CLYBL: variants seen among roughly 807,000 people sequenced by gnomAD.
CLYBL encodes citramalyl-CoA lyase, also known as citramalyl-CoA lyase, mitochondrial.
In CLYBL, 31 loss-of-function variants were observed where a neutral mutation model predicts 38.9. That is an observed-to-expected ratio of 0.80 (90% CI 0.60 to 1.08). CLYBL has a LOEUF of 1.08. Among genes scored for constraint, CLYBL ranks in the 50% least tolerant of loss-of-function variants. The pLI is 0.00. For synonymous variants in CLYBL, 171 were observed against 158.6 expected (o/e 1.08, Z -0.59); for missense variants, 434 against 411.6 (o/e 1.05, Z -0.47).
intron 2 of CLYBL, among the ~76,000 whole-genome samples, chr13:99,804,875 T>C (rs1398217316): frequency 3.3e-5 from 5 of 152,180 alleles, no homozygotes; most frequent in African/African-American, 1.2e-4. Flanking sequence ...TCCAGAACTT[T>C]TCATCTTCCC....
At chr13:99,698,788 T>C (rs996286969) in intron 1 of CLYBL, among the ~76,000 whole-genome samples, 3 of 152,212 alleles carry the variant, frequency 2.0e-5, no homozygotes, top group Non-Finnish European at 2.9e-5. Context: ...GTCAAAAAGA[T>C]TAATTGTTGT....
chr13:99,819,465 T>TATATATATATAAAA (rs1366110606), intron 2 of CLYBL, among the ~76,000 whole-genome samples: 16 of 58,754 alleles, frequency 2.7e-4, no homozygotes, highest in African/African-American at 1.1e-3. Flanking sequence ...TATATATATA[T>TATATATATATAAAA]ATAATATTTG....
intron 1 of CLYBL, among the ~76,000 whole-genome samples, chr13:99,737,754 G>C (rs2048690950): frequency 1.3e-5 from 2 of 152,216 alleles, no homozygotes; most frequent in Non-Finnish European, 2.9e-5. Context: ...CCATGACCCA[G>C]AGTGGAGTCA....
chr13:99,772,989 T>C lies in CLYBL; in HGVS notation c.228T>C (p.Asp76=), dbSNP rs1490090922. ...ATTGTGCAGTGCTCGACTGTGAGGA[T>C]GGAGTGGCTGCAAACAAAAAGGTAA... ...NVDCAVLDCE[D]GVAANKKNEA... Residue 76 remains aspartate, a synonymous_variant, in exon 2 of 9, where the codon GAT becomes GAC. Coordinates refer to ENST00000339105, the MANE Select transcript of CLYBL (RefSeq NM_206808.5). 6.2e-7 allele frequency: 1 copy of C among 1,609,186 alleles called. No individual in the cohort carries two copies.
At chr13:99,907,521 C>A (rs1403045795) in intron 9 of CLYBL, among the ~76,000 whole-genome samples, 1 of 151,070 alleles carries the variant, frequency 6.6e-6, no homozygotes, top group Non-Finnish European at 1.5e-5. Flanking sequence ...ATTTTTTCTT[C>A]TTTTTACATT....
chr13:99,758,888 G>A (rs1210549468), intron 1 of CLYBL, among the ~76,000 whole-genome samples: 3 of 152,208 alleles, frequency 2.0e-5, no homozygotes, highest in East Asian at 1.9e-4. Flanking sequence ...AACCTCTGGG[G>A]ATGCCCTTTT....
At chr13:99,808,223 C>A (rs1205025635) in intron 2 of CLYBL, among the ~76,000 whole-genome samples, 1 of 152,234 alleles carries the variant, frequency 6.6e-6, no homozygotes, top group South Asian at 2.1e-4. Context: ...GTAGCTGGGA[C>A]CACAGGCCCA....
intron 1 of CLYBL, among the ~76,000 whole-genome samples, chr13:99,672,719 G>A (rs1277507191): frequency 6.6e-6 from 1 of 151,988 alleles, no homozygotes. Flanking sequence ...GTAGTGAGCT[G>A]TGATTGTACC....
At chr13:99,744,742 G>A (rs1594154673) in intron 1 of CLYBL, among the ~76,000 whole-genome samples, 1 of 152,332 alleles carries the variant, frequency 6.6e-6, no homozygotes, top group East Asian at 1.9e-4. Flanking sequence ...AAGGGAAAGA[G>A]AAGATATGAG....
chr13:99,872,039 T>C (rs1449105556), intron 7 of CLYBL, among the ~76,000 whole-genome samples: 1 of 150,524 alleles, frequency 6.6e-6, no homozygotes, highest in African/African-American at 2.4e-5. Flanking sequence ...GTGGTGACCC[T>C]GAACCTGTGA....
chr13:99,670,933 A>G (rs1255337109), intron 1 of CLYBL, among the ~76,000 whole-genome samples: 1 of 152,164 alleles, frequency 6.6e-6, no homozygotes, highest in African/African-American at 2.4e-5. Context: ...TTGAACTTAG[A>G]ATACAATCCC....
At chr13:99,738,953 C>T (rs776296480) in intron 1 of CLYBL, among the ~76,000 whole-genome samples, 12 of 152,160 alleles carry the variant, frequency 7.9e-5, no homozygotes, top group Non-Finnish European at 1.8e-4. Context: ...GCAGGGAATA[C>T]ACATCAGTGG....
intron 1 of CLYBL, among the ~76,000 whole-genome samples, chr13:99,647,424 G>C (rs977610807): frequency 6.7e-6 from 1 of 150,126 alleles, no homozygotes; most frequent in Non-Finnish European, 1.5e-5. Flanking sequence ...TCTGTCACAC[G>C]CCCCCCCGGC....
chr13:99,630,829 T>G (rs145376989), intron 1 of CLYBL, among the ~76,000 whole-genome samples: 15 of 152,306 alleles, frequency 9.8e-5, no homozygotes, highest in South Asian at 2.1e-4. Flanking sequence ...TGAGGAAATA[T>G]TCTTTTGCCT....
At chr13:99,653,855 A>G (rs970827647) in intron 1 of CLYBL, among the ~76,000 whole-genome samples, 1 of 152,102 alleles carries the variant, frequency 6.6e-6, no homozygotes, top group African/African-American at 2.4e-5. Context: ...TTTTCATTCA[A>G]CTCATCCATA....
intron 1 of CLYBL, among the ~76,000 whole-genome samples, chr13:99,667,438 T>G: frequency 6.0e-5 from 1 of 16,698 alleles, no homozygotes; most frequent in Admixed American, 5.6e-4. Context: ...TCTTGCTTTT[T>G]TTTTTTTTTT....
intron 6 of CLYBL, among the ~76,000 whole-genome samples, chr13:99,866,636 G>GA (rs2051752997): frequency 2.6e-5 from 3 of 114,716 alleles, no homozygotes; most frequent in African/African-American, 9.2e-5. Flanking sequence ...TATATTAGTT[G>GA]CTTTTTTTTT....
chr13:99,793,887 TAAA>T (rs78578163), intron 2 of CLYBL, among the ~76,000 whole-genome samples: 1 of 136,828 alleles, frequency 7.3e-6, no homozygotes, highest in East Asian at 2.1e-4. Context: ...AAATTAAGAT[TAAA>T]AAAAAAAAAA....
At chr13:99,899,283 ACATG>A (rs2052616488), downstream of CLYBL, among the ~76,000 whole-genome samples, 1 of 152,206 alleles carries the variant, frequency 6.6e-6, no homozygotes, top group Admixed American at 6.5e-5. Flanking sequence ...GGTGGGACAC[ACATG>A]CCAGAGTTTC....
Sources: allele counts gnomAD v4.1 joint callset (sites outside exome capture counted in the v4.1 genomes callset), GRCh38; gene constraint gnomAD v4.1.1; transcripts MANE v1.5; gene names NCBI Gene and HGNC (gene_info 2026-07-23, HGNC 2026-07-21).